The following TSPEAR variants were observed in gnomAD, a reference collection of about 807,000 sequenced individuals.
TSPEAR encodes thrombospondin type laminin G domain and EAR repeats.
In TSPEAR, 69 loss-of-function variants were observed where a neutral mutation model predicts 71.6. The ratio of observed to expected loss-of-function variants is 0.96; its 90% confidence interval spans 0.79 to 1.18. The LOEUF (loss-of-function observed/expected upper bound fraction) is 1.18, where lower values mean the gene tolerates loss of function less well. Ranked by LOEUF, TSPEAR falls within the 50% of genes most tolerant of loss-of-function variation. TSPEAR has a pLI of 0.00. For synonymous variants in TSPEAR, 402 were observed against 387.2 expected (o/e 1.04, Z -0.45); for missense variants, 971 against 894.9 (o/e 1.09, Z -1.09).
At chr21:44,540,011 C>G (rs782114408) in intron 2 of TSPEAR, 2 of 1,613,086 alleles carry the variant, frequency 1.2e-6, no homozygotes, top group Non-Finnish European at 1.7e-6. Context: ...CACTGGGGTG[C>G]AGACCAGGGT....
chr21:44,600,657 C>T (rs1378054701), intron 1 of TSPEAR: 1 of 1,613,724 alleles, frequency 6.2e-7, no homozygotes, highest in African/African-American at 1.3e-5. Flanking sequence ...GCTCCAGCGA[C>T]CTGAGCTACG....
chr21:44,549,520 A>T (rs587609477), intron 2 of TSPEAR, among the ~76,000 whole-genome samples: 1 of 152,376 alleles, frequency 6.6e-6, no homozygotes, highest in South Asian at 2.1e-4. Context: ...CGGACAAAAA[A>T]AAGAATAATG....
intron 4 of TSPEAR, 45 bp downstream of exon 4, chr21:44,530,998 C>T: frequency 6.6e-7 from 1 of 1,506,168 alleles, no homozygotes; most frequent in Non-Finnish European, 9.2e-7. Flanking sequence ...GGGGCAGTCC[C>T]ATCCCGCAGC....
chr21:44,540,622 G>A (rs2053204541), intron 2 of TSPEAR, among the ~76,000 whole-genome samples: 1 of 152,236 alleles, frequency 6.6e-6, no homozygotes, highest in East Asian at 1.9e-4. Context: ...AGAGGCAGAA[G>A]CAGCTGGTAG....
chr21:44,623,884 A>T lies in TSPEAR; in HGVS notation c.83-55879T>A, dbSNP rs1311261341. Among the ~76,000 whole-genome samples, 1 of 152,190 alleles carries T rather than the reference A, an allele frequency of 6.6e-6. No homozygotes were observed. The highest frequency in any genetic ancestry group is 1.9e-4 in the East Asian group (1 of 5,206). On this transcript the variant is annotated intron_variant, in intron 1 of 11. Transcript: ENST00000323084. The surrounding 1 kb of genome is among the most constrained non-coding windows in gnomAD (Gnocchi z 4.5). The stretch of plus-strand genomic sequence containing the variant: ...GATTTCAGCCCCAATATGCACAGGC[A>T]TGGTTTCCTTTGTATTCACCTTGCT...
intron 1 of TSPEAR, among the ~76,000 whole-genome samples, chr21:44,660,407 G>A (rs782668664): frequency 4.6e-5 from 7 of 152,164 alleles, no homozygotes; most frequent in African/African-American, 1.4e-4. Flanking sequence ...AGCAGACTAC[G>A]AGCATAAGGA....
In TSPEAR at chr21:44,674,731, AGTGTGTGTGTGTGTGTGTGT is replaced by A. The variant is rs59452363; in HGVS notation, c.82+36682_82+36701del. ...TGACAAAGGGAGACTCTGTCTTTAA[AGTGTGTGTGTGTGTGTGTGT>A]GTGTGTGTGTGTGTGTGTGTGTGTG... On this transcript the variant is annotated intron_variant, in intron 1 of 11. Coordinates refer to ENST00000323084, the MANE Select transcript of TSPEAR (RefSeq NM_144991.3). Among the ~76,000 whole-genome samples the A allele has an allele frequency of 2.8e-3, 360 of 127,150 alleles. 3 individuals are homozygous for A. The highest frequency in any genetic ancestry group is 0.01 in the South Asian group (33 of 3,292). The allele number at this position is 127,150 out of a possible 152,430, so 83.4% of individuals were successfully genotyped here. A position where few individuals can be genotyped will look rare whatever the true frequency, so the allele number is the denominator to read the frequency against.
intron 9 of TSPEAR, chr21:44,510,910 C>G (rs1555912584): frequency 6.6e-6 from 1 of 152,318 alleles, no homozygotes; most frequent in Non-Finnish European, 1.5e-5. Context: ...TGAGGCTTTC[C>G]CGGGTCAGCG....
At position 44,612,867 on chromosome 21, in the gene TSPEAR, G is replaced by A. The variant is rs753364581; in HGVS notation, c.83-44862C>T. The A allele has an allele frequency of 1.6e-5, 26 of 1,611,478 alleles. No individual in the cohort carries two copies. The highest frequency in any genetic ancestry group is 2.1e-5 in the Non-Finnish European group (25 of 1,179,710). The stretch of plus-strand genomic sequence containing the variant: ...TTCCTCTGCCGCCCCGCGTGCTCCC[G>A]CCTGGCCTGCTGAGGCCTCTGCTCA... On this transcript the variant is annotated intron_variant, in intron 1 of 11. Coordinates refer to ENST00000323084, the MANE Select transcript of TSPEAR (RefSeq NM_144991.3). The surrounding 1 kb of genome is among the most constrained non-coding windows in gnomAD (Gnocchi z 4.1).
intron 2 of TSPEAR, among the ~76,000 whole-genome samples, chr21:44,549,430 C>T (rs1286753439): frequency 2.0e-5 from 3 of 152,220 alleles, no homozygotes. Context: ...TTGCAGACAC[C>T]AAGTGCGGCG....
intron 1 of TSPEAR, chr21:44,591,149 T>C (rs1015626206): frequency 1.6e-6 from 1 of 618,114 alleles, no homozygotes; most frequent in East Asian, 2.8e-5. Flanking sequence ...GAGGGGGTGC[T>C]GCCCAGGGTG....
intron 1 of TSPEAR, among the ~76,000 whole-genome samples, chr21:44,672,474 A>G (rs1986105261): frequency 1.3e-5 from 2 of 152,156 alleles, no homozygotes; most frequent in South Asian, 4.2e-4. Context: ...GGAGGCTGAG[A>G]CAGGAAAATG....
At position 44,711,292 on chromosome 21, in the gene TSPEAR, G is replaced by T; in HGVS notation, c.82+141C>A. 1.4e-6 allele frequency: 1 copy of T among 717,424 alleles called. No homozygotes were observed. Among genetic ancestry groups the T allele is most frequent in the Non-Finnish European group, 2.4e-6 (1 of 424,770 alleles). 44.4% of individuals were successfully genotyped at this position (717,424 alleles called of 1,614,324 possible). A position where few individuals can be genotyped will look rare whatever the true frequency, so the allele number is the denominator to read the frequency against. On this transcript the variant is annotated intron_variant, in intron 1 of 11. Transcript: ENST00000323084. The surrounding 1 kb of genome is among the most constrained non-coding windows in gnomAD (Gnocchi z 4.5). ...CCTCCCGCCTCTGCCCATCTCCACAGGGTGCTACCTGCCAGTCCTGCCAAA... is the reference window on the plus strand; with the variant it reads ...CCTCCCGCCTCTGCCCATCTCCACATGGTGCTACCTGCCAGTCCTGCCAAA...
rs587717339 is a variant in TSPEAR, at chr21:44,499,923, C to A, written c.1870G>T (p.Glu624Ter). ...NSIIYRWQGY[E>*]GFVAVHSLPT... ...AGGCTGTGCACCGCCACGAAGCCCT[C>A]GTAGCCCTGCCACCTGCGGAACAGA... Residue 624 changes from glutamate to a stop codon, truncating the protein, a stop_gained, in exon 12 of 12, where the codon GAG becomes TAG. Coordinates refer to ENST00000323084, the MANE Select transcript of TSPEAR (RefSeq NM_144991.3). LOFTEE classifies it high-confidence loss of function. The A allele has an allele frequency of 2.5e-5, 40 of 1,606,388 alleles. No individual in the cohort carries two copies. The highest frequency in any genetic ancestry group is 2.7e-5 in the Non-Finnish European group (32 of 1,177,824).
chr21:44,570,713 C>T (rs938211017), intron 1 of TSPEAR, among the ~76,000 whole-genome samples: 12 of 152,216 alleles, frequency 7.9e-5, no homozygotes, highest in South Asian at 4.2e-4. Flanking sequence ...GGAGTCCACG[C>T]AATTGAAAAC....
At chr21:44,580,729 C>A in intron 1 of TSPEAR, 1 of 777,710 alleles carries the variant, frequency 1.3e-6, no homozygotes, top group Non-Finnish European at 2.1e-6. Context: ...ACAGGAGGCT[C>A]CACAAGCTTC....
chr21:44,688,908 C>A (rs569458383), intron 1 of TSPEAR, among the ~76,000 whole-genome samples: 1 of 152,078 alleles, frequency 6.6e-6, no homozygotes, highest in Admixed American at 6.5e-5. Flanking sequence ...CTAAAGGCCC[C>A]GAGGGGCACC....
At chr21:44,505,406 TATAAC>T (rs1277535779) in intron 10 of TSPEAR, among the ~76,000 whole-genome samples, 64 of 152,094 alleles carry the variant, frequency 4.2e-4, no homozygotes, top group African/African-American at 9.6e-4. Context: ...GTAAAATACA[TATAAC>T]ATAACATTTC....
chr21:44,500,432 C>G (rs1210204933), intron 11 of TSPEAR, among the ~76,000 whole-genome samples: 3 of 152,266 alleles, frequency 2.0e-5, no homozygotes, highest in Non-Finnish European at 4.4e-5. Context: ...CAGGGTTTGC[C>G]TTCAAAAGGA....
Sources: gnomAD v4.1 joint callset for allele counts (sites outside exome capture counted in the v4.1 genomes callset) on GRCh38, gnomAD v4.1.1 for gene constraint, Gnocchi (gnomAD v3.1) non-coding constraint, MANE v1.5 for transcripts, NCBI Gene and HGNC (gene_info 2026-07-23, HGNC 2026-07-21) for gene names.